Variants in ZFYVE28 observed in about 807,000 individuals in gnomAD.
The protein encoded by ZFYVE28 is zinc finger FYVE-type containing 28, also known as lateral signaling target protein 2 homolog.
Under a neutral mutation model 82.1 loss-of-function variants are expected in ZFYVE28, and 40 were observed. The observed-to-expected ratio is 0.49, with a 90% confidence interval of 0.38 to 0.63. The LOEUF (loss-of-function observed/expected upper bound fraction) is 0.63. Ranked by LOEUF, ZFYVE28 falls within the 30% of genes least tolerant of loss-of-function variation. The pLI is 0.00. For missense variants in ZFYVE28, 1,321 were observed against 1,242.1 expected (o/e 1.06, Z -0.96); for synonymous variants, 612 against 546.1 (o/e 1.12, Z -1.68).
At chr4:2,294,827 G>A (rs540563985) in intron 8 of ZFYVE28, among the ~76,000 whole-genome samples, 14 of 152,282 alleles carry the variant, frequency 9.2e-5, no homozygotes, top group Admixed American at 2.6e-4. Context: ...ATGAAGCGAC[G>A]CTTGAGTCGA....
chr4:2,271,413 G>C lies in ZFYVE28; in HGVS notation c.2430C>G (p.Asp810Glu). The change falls in exon 12 of 13, where the codon GAC becomes GAG. Residue 810 changes from aspartate (D) to glutamate (E), a missense_variant and splice_region_variant. By Grantham distance (45) the Asp-to-Glu change is conservative. Around this residue, in one of 2 missense-constraint regions of ZFYVE28, gnomAD observed 978 missense variants for 833.7 expected, o/e 1.17. Coordinates refer to ENST00000290974, the MANE Select transcript of ZFYVE28 (RefSeq NM_020972.3). ...AAKTRDGDFE[D>E]PPEWVPDEAC... ...CCTCGTCTGGCACCCACTCCGGGGG[G>C]TCTGTCACAACAACAGCAGCGTCAC... The C allele has an allele frequency of 6.2e-7, 1 of 1,612,580 alleles. No homozygotes were observed. The highest frequency in any genetic ancestry group is 8.5e-7 in the Non-Finnish European group (1 of 1,179,740).
chr4:2,337,341 C>T (rs547542909), intron 5 of ZFYVE28, 66 bp downstream of exon 5: 285 of 1,441,610 alleles, frequency 2.0e-4, no homozygotes, highest in South Asian at 1.6e-3. Flanking sequence ...CCCTCTGCCC[C>T]GGGCCTGGAG....
chr4:2,411,832 G>C (rs60161478), intron 1 of ZFYVE28, among the ~76,000 whole-genome samples: 6,162 of 152,274 alleles, frequency 0.04, 441 homozygotes, highest in African/African-American at 0.14. Flanking sequence ...CTTCCCCGCT[G>C]CCACCCGAGC....
At chr4:2,411,457 G>A (rs756335353) in intron 1 of ZFYVE28, among the ~76,000 whole-genome samples, 1 of 152,056 alleles carries the variant, frequency 6.6e-6, no homozygotes, top group Non-Finnish European at 1.5e-5. Context: ...TCAAACACTT[G>A]ACTTGCCCAT....
At chr4:2,330,711 C>A (rs574936225) in intron 6 of ZFYVE28, 1 of 1,462,176 alleles carries the variant, frequency 6.8e-7, no homozygotes, top group Admixed American at 2.3e-5. Context: ...GAGGGGACAG[C>A]GTGGAGGAGG....
chr4:2,297,613 C>G (rs556127227), intron 8 of ZFYVE28, among the ~76,000 whole-genome samples: 1 of 152,272 alleles, frequency 6.6e-6, no homozygotes, highest in African/African-American at 2.4e-5. Context: ...AAAGCCAAGA[C>G]TGATCATGGC....
chr4:2,304,031 C>T lies in ZFYVE28; in HGVS notation c.2051+258G>A, dbSNP rs77071457. On this transcript the variant is annotated intron_variant, in intron 8 of 12. Transcript: ENST00000290974. ...GCGCCCATGTCACCTGACAGGCACC[C>T]GGAACATCAGAAACAGGGAAGCGGG... 0.042 allele frequency among the ~76,000 whole-genome samples: 6,341 copies of T among 152,304 alleles called. 297 individuals are homozygous for T. The highest frequency in any genetic ancestry group is 0.25 in the East Asian group (1,298 of 5,170).
At chr4:2,388,582 A>G (rs1311832132) in intron 1 of ZFYVE28, among the ~76,000 whole-genome samples, 1 of 152,118 alleles carries the variant, frequency 6.6e-6, no homozygotes, top group Non-Finnish European at 1.5e-5. Context: ...TGACGACTTT[A>G]TTTAGAGAAA....
intron 8 of ZFYVE28, among the ~76,000 whole-genome samples, chr4:2,303,984 G>C (rs906448270): frequency 3.3e-5 from 5 of 152,244 alleles, no homozygotes; most frequent in Non-Finnish European, 7.3e-5. Flanking sequence ...GGCTGCGGCA[G>C]GTGAGCTGAG....
rs1735850467 is a variant in ZFYVE28 at position 2,270,918 on chromosome 4, C to T, written c.2533-62G>A. The T allele has an allele frequency of 1.0e-5, 16 of 1,558,542 alleles. No homozygotes were observed. The South Asian group carries it at 1.2e-4, about 11-fold the overall frequency. On this transcript the variant is annotated intron_variant, in intron 12 of 12. Transcript: ENST00000290974. ...ACCAGCCCCACCCACCCTGGCTCCT[C>T]GCCCTCCCACACACCTACCCACCCA...
chr4:2,410,686 G>A (rs769724380), intron 1 of ZFYVE28, among the ~76,000 whole-genome samples: 9 of 151,776 alleles, frequency 5.9e-5, no homozygotes, highest in Admixed American at 1.3e-4. Context: ...TAGTAGAGAC[G>A]GGGTTTCACC....
Position 2,339,377 on chromosome 4 carries a change from C to T in ZFYVE28, c.521+76G>A. The stretch of plus-strand genomic sequence containing the variant: ...TGTGGAATTTTCCAGCTTGAAGTAT[C>T]AGGGTGAGCCCCGGAAGCTGGCACA... On this transcript the variant is annotated intron_variant, in intron 4 of 12. Coordinates refer to ENST00000290974, the MANE Select transcript of ZFYVE28 (RefSeq NM_020972.3). This position sits in a 1 kb window ranked among gnomAD's most constrained non-coding sequence, Gnocchi z 5.0. 6.7e-7 allele frequency: 1 copy of T among 1,497,260 alleles called. No individual in the cohort carries two copies. The highest frequency in any genetic ancestry group is 9.1e-7 in the Non-Finnish European group (1 of 1,104,434). The allele number at this position is 1,497,260 out of a possible 1,614,324, so 92.7% of individuals were successfully genotyped here.
At chr4:2,385,954 C>T (rs1034773240) in intron 1 of ZFYVE28, among the ~76,000 whole-genome samples, 4 of 152,208 alleles carry the variant, frequency 2.6e-5, no homozygotes, top group Non-Finnish European at 5.9e-5. Context: ...AAGCACTGCA[C>T]CGGGCTCGCT....
chr4:2,330,819 G>A, intron 6 of ZFYVE28: 2 of 1,534,240 alleles, frequency 1.3e-6, no homozygotes, highest in Non-Finnish European at 1.7e-6. Flanking sequence ...CAGCATGGTG[G>A]AGACCCAGGG....
rs548048705 is a variant in ZFYVE28 at position 2,296,541 on chromosome 4, C to G, written c.2051+7748G>C. ...TCTATTTTTAAACCCCTCAATCATT[C>G]TTGTTTTTCCTGCCAGGGGCATGAA... On this transcript the variant is annotated intron_variant, in intron 8 of 12. Transcript: ENST00000290974. Among the ~76,000 whole-genome samples, 3 of 152,160 alleles carry G rather than the reference C, an allele frequency of 2.0e-5. No individual in the cohort carries two copies. The East Asian group carries it at 5.8e-4, about 29-fold the overall frequency.
In ZFYVE28 at chr4:2,271,516, C is replaced by G. The variant is rs1406613097; in HGVS notation, c.2429-102G>C. ...GGCCCTCCTTTCCAGACTGCCAAGCCGCCTGGCCTCCAGCCAGCCTCCGGG... is the reference window on the plus strand; with the variant it reads ...GGCCCTCCTTTCCAGACTGCCAAGCGGCCTGGCCTCCAGCCAGCCTCCGGG... On this transcript the variant is annotated intron_variant, in intron 11 of 12. Coordinates refer to ENST00000290974, the MANE Select transcript of ZFYVE28 (RefSeq NM_020972.3). 34 of 1,448,888 alleles carry G rather than the reference C, an allele frequency of 2.3e-5. No individual in the cohort carries two copies. In the East Asian group the frequency reaches 7.8e-4, roughly 33 times the overall value. The allele number at this position is 1,448,888 out of a possible 1,614,324, so 89.8% of individuals were successfully genotyped here. A position where few individuals can be genotyped will look rare whatever the true frequency, so the allele number is the denominator to read the frequency against.
intron 1 of ZFYVE28, among the ~76,000 whole-genome samples, chr4:2,360,932 C>T (rs1239231365): frequency 6.6e-6 from 1 of 152,288 alleles, no homozygotes; most frequent in South Asian, 2.1e-4. Context: ...TATTCAATGA[C>T]ATTTTACAAT....
At chr4:2,316,821 T>C (rs927034774) in intron 7 of ZFYVE28, among the ~76,000 whole-genome samples, 1 of 151,630 alleles carries the variant, frequency 6.6e-6, no homozygotes, top group African/African-American at 2.4e-5. Flanking sequence ...GCCTCCCAAA[T>C]AGCTGGGACT....
intron 1 of ZFYVE28, among the ~76,000 whole-genome samples, chr4:2,357,186 C>T (rs1725454035): frequency 2.6e-5 from 4 of 152,330 alleles, no homozygotes; most frequent in South Asian, 4.1e-4. Context: ...CGTGAGCCAC[C>T]GCACCCAGCG....
Sources: allele counts gnomAD v4.1 joint callset (sites outside exome capture counted in the v4.1 genomes callset), GRCh38; gene constraint gnomAD v4.1.1; regional missense constraint gnomAD v4.1.1; non-coding constraint Gnocchi (gnomAD v3.1); transcripts MANE v1.5; gene names NCBI Gene and HGNC (gene_info 2026-07-23, HGNC 2026-07-21).